The following TEX36 variants were observed in gnomAD, a reference collection of about 807,000 sequenced individuals.
TEX36 encodes the protein testis expressed 36, also known as testis-expressed protein 36.
TEX36 carries 12 observed loss-of-function variants against 13.6 expected under a neutral mutation model. That is an observed-to-expected ratio of 0.88 (90% CI 0.56 to 1.43). TEX36 has a LOEUF of 1.43. Ranked by LOEUF, TEX36 falls within the 40% of genes most tolerant of loss-of-function variation. TEX36 has a pLI of 0.00. For synonymous variants in TEX36, 93 were observed against 83.0 expected, an observed-to-expected ratio of 1.12 and a Z score of -0.65; for missense variants, 224 against 228.3, an observed-to-expected ratio of 0.98 and a Z score of 0.12.
chr10:125,680,668 C>T (rs1847379320), intron 1 of TEX36, among the ~76,000 whole-genome samples: 2 of 152,218 alleles, frequency 1.3e-5, no homozygotes, highest in South Asian at 4.1e-4. Flanking sequence ...CTGCAGCTGA[C>T]TCAAAGCCAA....
At chr10:125,655,666 G>A (rs1846926494), downstream of TEX36, 4 of 1,218,400 alleles carry the variant, frequency 3.3e-6, no homozygotes, top group Admixed American at 1.6e-4. Context: ...CGTATATTAA[G>A]GATGTACTTT....
At chr10:125,630,265 G>C (rs1015736490) in intron 3 of TEX36, among the ~76,000 whole-genome samples, 1 of 152,130 alleles carries the variant, frequency 6.6e-6, no homozygotes. Context: ...TCCATTCTCC[G>C]AGTCAGGAAT....
At chr10:125,616,322 G>A (rs1846358093) in intron 3 of TEX36, among the ~76,000 whole-genome samples, 2 of 149,458 alleles carry the variant, frequency 1.3e-5, no homozygotes, top group African/African-American at 4.9e-5. Context: ...CTTGCCTTCT[G>A]CTAGCTTTTG....
intron 3 of TEX36, among the ~76,000 whole-genome samples, chr10:125,605,210 C>T (rs886224637): frequency 4.6e-5 from 7 of 152,148 alleles, no homozygotes; most frequent in Non-Finnish European, 5.9e-5. Flanking sequence ...GTTATGCCTT[C>T]GACTCATTTT....
chr10:125,617,079 T>G (rs985507936), downstream of TEX36, among the ~76,000 whole-genome samples: 1 of 152,082 alleles, frequency 6.6e-6, no homozygotes, highest in African/African-American at 2.4e-5. Context: ...TGGTTTAAAG[T>G]CTGTTTTATC....
At chr10:125,656,621 A>C (rs1846948953) in intron 3 of TEX36, among the ~76,000 whole-genome samples, 1 of 151,860 alleles carries the variant, frequency 6.6e-6, no homozygotes, top group Admixed American at 6.6e-5. Context: ...GTTCAAATGC[A>C]CACTATGACG....
downstream of TEX36, among the ~76,000 whole-genome samples, chr10:125,652,378 A>T (rs1438613670): frequency 6.6e-6 from 1 of 152,216 alleles, no homozygotes; most frequent in East Asian, 1.9e-4. Context: ...CAAAAACAAG[A>T]AATGGGAAAA....
chr10:125,627,930 T>C (rs1286944156), intron 3 of TEX36, among the ~76,000 whole-genome samples: 1 of 152,158 alleles, frequency 6.6e-6, no homozygotes, highest in Non-Finnish European at 1.5e-5. Context: ...CTTCAAAGAT[T>C]ATCCAAATGA....
At chr10:125,660,929 G>C (rs1847026123) in intron 3 of TEX36, 92 bp downstream of exon 3, 1 of 1,110,990 alleles carries the variant, frequency 9.0e-7, no homozygotes, top group South Asian at 1.3e-5. Flanking sequence ...TTCCAGTTTT[G>C]AGGCCAATCC....
At chr10:125,657,688 T>A (rs953733623) in intron 3 of TEX36, among the ~76,000 whole-genome samples, 1 of 152,050 alleles carries the variant, frequency 6.6e-6, no homozygotes, top group Admixed American at 6.6e-5. Flanking sequence ...ATCCCAGGAT[T>A]TCAACTTGAT....
At chr10:125,630,477 T>C (rs1022947136) in intron 3 of TEX36, among the ~76,000 whole-genome samples, 1 of 152,138 alleles carries the variant, frequency 6.6e-6, no homozygotes, top group African/African-American at 2.4e-5. Flanking sequence ...CAAGGATGAA[T>C]GTTCTGAGAG....
intron 3 of TEX36, among the ~76,000 whole-genome samples, chr10:125,630,050 A>G (rs1211398918): frequency 6.6e-6 from 1 of 152,246 alleles, no homozygotes. Flanking sequence ...GCCAAGCCAT[A>G]GGGCCTAGTC....
At chr10:125,646,480 G>C (rs1296956697) in intron 3 of TEX36, among the ~76,000 whole-genome samples, 1 of 152,142 alleles carries the variant, frequency 6.6e-6, no homozygotes, top group Non-Finnish European at 1.5e-5. Context: ...AAACAGGAAA[G>C]ACTGGAAATA....
intron 3 of TEX36, among the ~76,000 whole-genome samples, chr10:125,626,510 G>A (rs1048223166): frequency 2.6e-5 from 4 of 152,142 alleles, no homozygotes; most frequent in Non-Finnish European, 4.4e-5. Flanking sequence ...AACAGACATC[G>A]TGAATGCTTG....
chr10:125,625,251 A>G (rs1281436326), intron 3 of TEX36, among the ~76,000 whole-genome samples: 2 of 152,174 alleles, frequency 1.3e-5, no homozygotes, highest in Non-Finnish European at 2.9e-5. Context: ...CCAGAGCCCA[A>G]TTCCAGGCCC....
At chr10:125,652,949 A>G (rs544078804), downstream of TEX36, among the ~76,000 whole-genome samples, 3 of 152,352 alleles carry the variant, frequency 2.0e-5, no homozygotes, top group South Asian at 6.2e-4. Flanking sequence ...ACCATCTCAC[A>G]CCAGTTAAAA....
chr10:125,619,183 G>A (rs570777866), downstream of TEX36, among the ~76,000 whole-genome samples: 10 of 151,968 alleles, frequency 6.6e-5, no homozygotes, highest in East Asian at 3.9e-4. Flanking sequence ...GAGAATATCC[G>A]TTATTGGTTG....
intron 3 of TEX36, among the ~76,000 whole-genome samples, chr10:125,656,928 A>T (rs992441407): frequency 1.3e-5 from 2 of 152,088 alleles, no homozygotes; most frequent in Admixed American, 1.3e-4. Context: ...CTTTCTCTGA[A>T]AAGTCTGAGG....
intron 1 of TEX36, among the ~76,000 whole-genome samples, chr10:125,668,260 T>C (rs1436174663): frequency 6.6e-6 from 1 of 152,170 alleles, no homozygotes; most frequent in African/African-American, 2.4e-5. Flanking sequence ...TTTTGTTTGG[T>C]AAAATTCAGC....
Sources: gnomAD v4.1 joint callset for allele counts (sites outside exome capture counted in the v4.1 genomes callset) on GRCh38, gnomAD v4.1.1 for gene constraint, MANE v1.5 for transcripts, NCBI Gene and HGNC (gene_info 2026-07-23, HGNC 2026-07-21) for gene names.